The following CAPN9 variants were observed in gnomAD, a reference collection of about 807,000 sequenced individuals.
The protein encoded by CAPN9 is calpain-9.
CAPN9 carries 81 observed loss-of-function variants against 92.8 expected under a neutral mutation model. The ratio of observed to expected loss-of-function variants is 0.87; its 90% confidence interval spans 0.73 to 1.05. The LOEUF (loss-of-function observed/expected upper bound fraction) is 1.05, where lower values mean the gene tolerates loss of function less well. Ranked by LOEUF, CAPN9 falls within the 50% of genes least tolerant of loss-of-function variation. CAPN9 has a pLI of 0.00. For synonymous variants in CAPN9, 304 were observed against 328.0 expected (o/e 0.93, Z 0.79); for missense variants, 848 against 866.2 (o/e 0.98, Z 0.26).
intron 18 of CAPN9, 60 bp from the exon 19 acceptor site, chr1:230,798,102 A>G: frequency 7.6e-7 from 1 of 1,323,498 alleles, no homozygotes; most frequent in Non-Finnish European, 1.1e-6. Flanking sequence ...GTCGCTGGGA[A>G]ACAAACTTGG....
intron 1 of CAPN9, among the ~76,000 whole-genome samples, chr1:230,755,060 G>A (rs1014364879): frequency 1.7e-4 from 26 of 152,182 alleles, no homozygotes; most frequent in African/African-American, 5.3e-4. Context: ...CTTTGTGGCC[G>A]GGTGTGGCCT....
intron 6 of CAPN9, among the ~76,000 whole-genome samples, chr1:230,770,496 G>T (rs895648337): frequency 3.3e-5 from 5 of 152,088 alleles, no homozygotes; most frequent in African/African-American, 7.2e-5. Flanking sequence ...GCACCCCATG[G>T]CCCAGTCAAG....
intron 1 of CAPN9, among the ~76,000 whole-genome samples, chr1:230,748,995 T>C (rs28359590): frequency 9.5e-4 from 144 of 152,292 alleles, no homozygotes; most frequent in Non-Finnish European, 1.8e-3. Flanking sequence ...TGTATGTGCA[T>C]GTGTGTGACT....
chr1:230,748,518 T>A (rs7546351), intron 1 of CAPN9, among the ~76,000 whole-genome samples: 1 of 151,980 alleles, frequency 6.6e-6, no homozygotes, highest in Admixed American at 6.6e-5. Flanking sequence ...CCTGAGTGCC[T>A]GTCTTATCCT....
intron 11 of CAPN9, among the ~76,000 whole-genome samples, chr1:230,781,731 A>G (rs562952335): frequency 6.6e-6 from 1 of 152,234 alleles, no homozygotes; most frequent in African/African-American, 2.4e-5. Flanking sequence ...CAAAAGATCA[A>G]TCTGCACAGA....
At chr1:230,753,206 G>A (rs1664963825) in intron 1 of CAPN9, among the ~76,000 whole-genome samples, 1 of 152,178 alleles carries the variant, frequency 6.6e-6, no homozygotes, top group African/African-American at 2.4e-5. Flanking sequence ...CTGGAGCTGG[G>A]GGTGGGAATG....
chr1:230,754,429 C>T (rs952890384), intron 1 of CAPN9, among the ~76,000 whole-genome samples: 12 of 151,070 alleles, frequency 7.9e-5, no homozygotes, highest in South Asian at 4.2e-4. Context: ...TAATGCACTT[C>T]GGTGAAACAA....
Position 230,795,208 on chromosome 1 carries a change from A to G in CAPN9, c.1916A>G (p.Tyr639Cys), listed in dbSNP as rs778143414. ...SHLLQLIVLR[Y>C]ADEELQLDFD... ...CTCCTGCAGCTGATTGTGCTCAGGT[A>G]TGCGGATGAGGAGCTCCAGCTGGAC... The change falls in exon 18 of 20, where the codon TAT becomes TGT. Residue 639 changes from tyrosine to cysteine, a missense_variant. Tyr to Cys is a radical substitution (Grantham distance 194). Coordinates refer to ENST00000271971, the MANE Select transcript of CAPN9 (RefSeq NM_006615.3). 16 of 1,613,534 alleles carry G rather than the reference A, an allele frequency of 9.9e-6. No individual in the cohort carries two copies. The highest frequency in any genetic ancestry group is 1.3e-5 in the African/African-American group (1 of 74,908).
chr1:230,761,388 GGCTCCTCCCC>G (rs1241138188), intron 3 of CAPN9, among the ~76,000 whole-genome samples: 25 of 152,100 alleles, frequency 1.6e-4, no homozygotes, highest in Admixed American at 1.5e-3. Context: ...CCAGCCCTGA[GGCTCCTCCCC>G]ACTGCTCCCC....
At chr1:230,755,026 C>A (rs913646115) in intron 1 of CAPN9, among the ~76,000 whole-genome samples, 1 of 152,188 alleles carries the variant, frequency 6.6e-6, no homozygotes, top group African/African-American at 2.4e-5. Context: ...GCACAGGAAT[C>A]CTCAGTGTGT....
intron 17 of CAPN9, among the ~76,000 whole-genome samples, chr1:230,794,086 C>A (rs1452078056): frequency 1.3e-5 from 2 of 152,168 alleles, no homozygotes; most frequent in African/African-American, 4.8e-5. Context: ...AGCAGAAAGA[C>A]CCTGGGTGGA....
intron 18 of CAPN9, among the ~76,000 whole-genome samples, chr1:230,796,145 G>A (rs1483229756): frequency 6.6e-6 from 1 of 151,130 alleles, no homozygotes; most frequent in Admixed American, 6.6e-5. Flanking sequence ...AGCTCATAGC[G>A]AAACTTTGTC....
At chr1:230,748,256 G>C (rs1467808151) in intron 1 of CAPN9, among the ~76,000 whole-genome samples, 1 of 152,202 alleles carries the variant, frequency 6.6e-6, no homozygotes, top group Admixed American at 6.5e-5. Flanking sequence ...CCCCACCTCT[G>C]ACAGTCTGGA....
chr1:230,801,505 T>G, intron 19 of CAPN9, 65 bp from the exon 20 acceptor site: 11 of 1,540,500 alleles, frequency 7.1e-6, no homozygotes, highest in Non-Finnish European at 9.9e-6. Flanking sequence ...GGGCCACTCC[T>G]GAGGCTGAGG....
At chr1:230,784,991 C>T (rs1296212187) in intron 11 of CAPN9, among the ~76,000 whole-genome samples, 2 of 152,334 alleles carry the variant, frequency 1.3e-5, no homozygotes, top group Non-Finnish European at 1.5e-5. Flanking sequence ...TACCAGTGTT[C>T]CCTGGATGTA....
At chr1:230,791,798 C>A in intron 14 of CAPN9, 66 bp from the exon 15 acceptor site, 1 of 1,284,576 alleles carries the variant, frequency 7.8e-7, no homozygotes, top group Non-Finnish European at 1.1e-6. Context: ...ATTGGGCTTT[C>A]AGCAGATGGG....
intron 15 of CAPN9, 63 bp from the exon 16 acceptor site, chr1:230,792,363 A>T (rs914679279): frequency 1.0e-5 from 14 of 1,403,102 alleles, no homozygotes; most frequent in African/African-American, 1.4e-5. Flanking sequence ...CCCAGAGCTG[A>T]GGTCCCACGA....
rs527658013 is a variant in CAPN9, at chr1:230,790,190, G to A, written c.1657+1G>A. ...GTTTTAAATGCTGTGCTGCAAAAGA[G>A]TAAGTGCCAACCCCATCGGGGTCCT... On this transcript the variant is annotated splice_donor_variant, in intron 14 of 19. Transcript: ENST00000271971. LOFTEE classifies it high-confidence loss of function. 3 of 1,614,160 alleles carry A rather than the reference G, an allele frequency of 1.9e-6. No homozygotes were observed. The highest frequency in any genetic ancestry group is 2.5e-6 in the Non-Finnish European group (3 of 1,180,012).
At chr1:230,762,953 C>T (rs149539818) in intron 4 of CAPN9, among the ~76,000 whole-genome samples, 167 bp downstream of exon 4, 78 of 152,276 alleles carry the variant, frequency 5.1e-4, no homozygotes, top group African/African-American at 1.7e-3. Flanking sequence ...AGGTGGTTTT[C>T]CTGTCGTAGC....
Sources: gnomAD v4.1 joint callset for allele counts (sites outside exome capture counted in the v4.1 genomes callset) on GRCh38, gnomAD v4.1.1 for gene constraint, MANE v1.5 for transcripts, NCBI Gene and HGNC (gene_info 2026-07-23, HGNC 2026-07-21) for gene names.